CWF19L1: variants seen among roughly 807,000 people sequenced by gnomAD.
CWF19L1 encodes the protein CWF19-like protein 1.
Under a neutral mutation model 69.7 loss-of-function variants are expected in CWF19L1, and 60 were observed. That is an observed-to-expected ratio of 0.86 (90% CI 0.70 to 1.07). CWF19L1 has a LOEUF of 1.07. CWF19L1 is among the 50% of genes least tolerant of loss of function. The pLI, the probability that CWF19L1 is intolerant of heterozygous loss-of-function variation, is 0.00. For synonymous variants in CWF19L1, 209 were observed against 222.2 expected (o/e 0.94, Z 0.53); for missense variants, 591 against 638.9 (o/e 0.92, Z 0.81).
intron 7 of CWF19L1, chr10:100,248,876 A>AAAAGGCAGCCATCATCTCTGC: frequency 9.6e-7 from 1 of 1,037,334 alleles, no homozygotes; most frequent in Non-Finnish European, 1.5e-6. Flanking sequence ...GAGCAGCAGA[A>AAAAGGCAGCCATCATCTCTGC]AAAGGCAGCC....
chr10:100,240,589 C>G (rs1564851379), intron 10 of CWF19L1, among the ~76,000 whole-genome samples: 1 of 152,084 alleles, frequency 6.6e-6, no homozygotes, highest in Admixed American at 6.5e-5. Flanking sequence ...TGATTGTTGC[C>G]CAGGCCCACA....
intron 3 of CWF19L1, among the ~76,000 whole-genome samples, chr10:100,260,746 C>G (rs573632207): frequency 1.8e-4 from 28 of 152,106 alleles, no homozygotes; most frequent in Admixed American, 1.3e-4. Context: ...TGGTCTTGAA[C>G]CCCTGACCTC....
chr10:100,248,389 A>G, intron 7 of CWF19L1: 1 of 774,586 alleles, frequency 1.3e-6, no homozygotes, highest in Non-Finnish European at 2.3e-6. Context: ...GACCGATTCC[A>G]TGGAGTACAG....
intron 1 of CWF19L1, 184 bp from the exon 2 acceptor site, chr10:100,262,247 C>A (rs536610029): frequency 5.1e-6 from 5 of 985,302 alleles, no homozygotes; most frequent in Non-Finnish European, 6.0e-6. Flanking sequence ...ACCTCCCACT[C>A]GCCGTATCTA....
At chr10:100,259,404 A>C (rs1175252852) in intron 4 of CWF19L1, among the ~76,000 whole-genome samples, 1 of 152,100 alleles carries the variant, frequency 6.6e-6, no homozygotes, top group African/African-American at 2.4e-5. Context: ...AAGGAGAGTA[A>C]AAAAAGAGTA....
At chr10:100,234,003 C>T (rs974953731) in intron 13 of CWF19L1, 1 of 152,214 alleles carries the variant, frequency 6.6e-6, no homozygotes, top group African/African-American at 2.4e-5. Flanking sequence ...AACAAAACAA[C>T]TATCTTGGCT....
intron 7 of CWF19L1, chr10:100,248,322 G>C: frequency 3.1e-6 from 4 of 1,281,680 alleles, no homozygotes; most frequent in Non-Finnish European, 4.5e-6. Context: ...TGTTGCAGGA[G>C]ACGTGGTGAA....
chr10:100,265,482 CT>C (rs564603256), intron 1 of CWF19L1, among the ~76,000 whole-genome samples: 101 of 141,992 alleles, frequency 7.1e-4, no homozygotes, highest in East Asian at 8.1e-4. Flanking sequence ...AGGTTGTGCC[CT>C]TTTTTTTTTT....
intron 12 of CWF19L1, among the ~76,000 whole-genome samples, chr10:100,236,166 G>A (rs892910770): frequency 3.3e-5 from 5 of 149,356 alleles, no homozygotes; most frequent in Non-Finnish European, 7.4e-5. Flanking sequence ...GTACAGTGGT[G>A]CAATCATACC....
chr10:100,263,614 T>C (rs1253799763), intron 1 of CWF19L1, among the ~76,000 whole-genome samples: 5 of 152,222 alleles, frequency 3.3e-5, no homozygotes, highest in African/African-American at 7.2e-5. Context: ...GGAATTACCA[T>C]TGTCTCTGGG....
At chr10:100,267,321 G>A (rs1432916088) in intron 1 of CWF19L1, 4 of 502,084 alleles carry the variant, frequency 8.0e-6, no homozygotes, top group African/African-American at 4.2e-5. Context: ...TAAGATGGAG[G>A]AGGCCTAACT....
intron 4 of CWF19L1, among the ~76,000 whole-genome samples, chr10:100,258,957 C>T (rs1354013289): frequency 6.7e-6 from 1 of 149,446 alleles, no homozygotes; most frequent in Non-Finnish European, 1.5e-5. Context: ...AATCCCAGCA[C>T]TTTGGGAGGC....
At chr10:100,239,599 A>T (rs1269094579) in intron 10 of CWF19L1, among the ~76,000 whole-genome samples, 1 of 152,226 alleles carries the variant, frequency 6.6e-6, no homozygotes, top group Non-Finnish European at 1.5e-5. Flanking sequence ...AGATCGTGCC[A>T]CTGCACTCCA....
At chr10:100,247,022 A>T in intron 7 of CWF19L1, 87 bp from the exon 8 acceptor site, 2 of 1,202,068 alleles carry the variant, frequency 1.7e-6, no homozygotes, top group Non-Finnish European at 2.3e-6. Flanking sequence ...GATTTCACAG[A>T]AAACATGTGA....
chr10:100,238,185 A>G lies in CWF19L1; in HGVS notation c.1091T>C (p.Leu364Pro), dbSNP rs1374413994. 1 of 1,614,088 alleles carries G rather than the reference A, an allele frequency of 6.2e-7. No individual in the cohort carries two copies. The highest frequency in any genetic ancestry group is 8.5e-7 in the Non-Finnish European group (1 of 1,180,030). The change falls in exon 11 of 14, where the codon CTC becomes CCC. Residue 364 changes from leucine to proline, a missense_variant. Coordinates refer to ENST00000354105, the MANE Select transcript of CWF19L1 (RefSeq NM_018294.6). ...AKGGLSDDHV[L>P]ILPIGHYQSV... Reference sequence around the variant, plus strand: ...CTGGTAGTGTCCAATAGGCAGGATGAGGACATGGTCATCAGATAAGCCTCC... The same window carrying G: ...CTGGTAGTGTCCAATAGGCAGGATGGGGACATGGTCATCAGATAAGCCTCC...
chr10:100,243,900 A>AG, intron 9 of CWF19L1, 123 bp from the exon 10 acceptor site: 1 of 750,802 alleles, frequency 1.3e-6, no homozygotes, highest in East Asian at 2.5e-5. Context: ...CACTGCCACA[A>AG]TGGGCTGAGC....
intron 6 of CWF19L1, among the ~76,000 whole-genome samples, chr10:100,252,919 T>C (rs536257551): frequency 7.9e-4 from 120 of 152,354 alleles, no homozygotes; most frequent in African/African-American, 2.8e-3. Context: ...GTATTTTTTA[T>C]TGTATACAAC....
intron 4 of CWF19L1, among the ~76,000 whole-genome samples, chr10:100,257,566 A>G (rs1257606143): frequency 2.6e-5 from 4 of 151,946 alleles, no homozygotes; most frequent in South Asian, 2.1e-4. Flanking sequence ...CCAAGGTGCT[A>G]GGATTACAGG....
intron 10 of CWF19L1, among the ~76,000 whole-genome samples, chr10:100,243,143 G>C (rs751210712): frequency 6.6e-6 from 1 of 152,056 alleles, no homozygotes; most frequent in Non-Finnish European, 1.5e-5. Flanking sequence ...CCATTCCTAG[G>C]TCTATATCCA....
Sources: gnomAD v4.1 joint callset for allele counts (sites outside exome capture counted in the v4.1 genomes callset) on GRCh38, gnomAD v4.1.1 for gene constraint, MANE v1.5 for transcripts, NCBI Gene and HGNC (gene_info 2026-07-23, HGNC 2026-07-21) for gene names.